PDK1: variants seen among roughly 807,000 people sequenced by gnomAD.
The protein encoded by PDK1 is [Pyruvate dehydrogenase (acetyl-transferring)] kinase isozyme 1, mitochondrial.
A neutral mutation model predicts 54.2 loss-of-function variants in PDK1; 39 were observed. The ratio of observed to expected loss-of-function variants is 0.72; its 90% CI spans 0.56 to 0.94. PDK1 has a LOEUF of 0.94. Ranked by LOEUF, PDK1 falls within the 40% of genes least tolerant of loss-of-function variation. PDK1 has a pLI of 0.00. For synonymous variants in PDK1, 221 were observed against 207.1 expected (o/e 1.07, Z -0.58); for missense variants, 552 against 566.0 (o/e 0.98, Z 0.25).
At chr2:172,718,616 T>C in the PDK1 span, among the ~76,000 whole-genome samples, 3 of 152,150 alleles carry the variant, frequency 2.0e-5, no homozygotes, top group African/African-American at 7.2e-5. Flanking sequence ...AAACAGAATA[T>C]GTTGAGTGAG....
chr2:172,700,855 C>A, the PDK1 span, among the ~76,000 whole-genome samples: 8 of 152,176 alleles, frequency 5.3e-5, no homozygotes, highest in Non-Finnish European at 7.3e-5. Context: ...ATATAAAAAC[C>A]AGTCAGGCAT....
the PDK1 span, among the ~76,000 whole-genome samples, chr2:172,632,568 A>G: frequency 6.6e-6 from 1 of 152,158 alleles, no homozygotes; most frequent in East Asian, 1.9e-4. Flanking sequence ...TTACATTTGA[A>G]CATGTCTGCA....
the PDK1 span, among the ~76,000 whole-genome samples, chr2:172,620,953 C>T: frequency 2.2e-5 from 3 of 138,208 alleles, no homozygotes; most frequent in South Asian, 2.4e-4. Flanking sequence ...CTAATACAGG[C>T]TCAAAGGAGA....
intron 8 of PDK1, among the ~76,000 whole-genome samples, chr2:172,582,976 T>C (rs1298904993): frequency 6.6e-6 from 1 of 152,210 alleles, no homozygotes; most frequent in East Asian, 1.9e-4. Context: ...ACTTGCTAGG[T>C]TGTTGTTACA....
rs369140225 is a variant in PDK1, at chr2:172,598,125, A to G, written c.*2156A>G. On this transcript the variant is annotated 3_prime_UTR_variant, in exon 11 of 11. Transcript: ENST00000282077. The stretch of plus-strand genomic sequence containing the variant: ...ATTTATATTAGTTCGATGTATTACA[A>G]TTTTTTAGCTTTAAATTACAGTTTT... 16 of 152,326 alleles carry G rather than the reference A, an allele frequency of 1.1e-4. No homozygotes were observed. The highest frequency in any genetic ancestry group is 3.1e-4 in the African/African-American group (13 of 41,576). 9.4% of individuals were successfully genotyped at this position (152,326 alleles called of 1,614,324 possible).
the PDK1 span, among the ~76,000 whole-genome samples, chr2:172,691,791 C>T: frequency 6.6e-6 from 1 of 152,126 alleles, no homozygotes; most frequent in Admixed American, 6.6e-5. Flanking sequence ...TCTGGATGTA[C>T]CACAGTTTAT....
At position 172,585,316 on chromosome 2, in the gene PDK1, A is replaced by ATTTT. The variant is rs538241255; in HGVS notation, c.946-938_946-935dup. 8.8e-3 allele frequency among the ~76,000 whole-genome samples: 913 copies of ATTTT among 103,280 alleles called. 90 individuals are homozygous for ATTTT. The highest frequency in any genetic ancestry group is 0.026 in the African/African-American group (587 of 22,388). The allele number at this position is 103,280 out of a possible 152,430, so 67.8% of individuals were successfully genotyped here. On this transcript the variant is annotated intron_variant, in intron 8 of 10. Transcript: ENST00000282077. The stretch of plus-strand genomic sequence containing the variant: ...GCCCAGCCTAGTACATGCATTTTTA[A>ATTTT]TTTTTTTTTTTTTTTTTTTTTTTTT...
the PDK1 span, among the ~76,000 whole-genome samples, chr2:172,649,558 G>A: frequency 0.033 from 5,011 of 152,056 alleles, 279 homozygotes; most frequent in African/African-American, 0.11. Flanking sequence ...GAGGATGTTC[G>A]AACCCATCAC....
chr2:172,633,980 A>G, the PDK1 span, among the ~76,000 whole-genome samples: 9 of 146,844 alleles, frequency 6.1e-5, no homozygotes, highest in South Asian at 1.3e-3. Flanking sequence ...GGTTCAAGCA[A>G]TTCTCTTGCT....
chr2:172,690,168 A>G, the PDK1 span, among the ~76,000 whole-genome samples: 8 of 150,444 alleles, frequency 5.3e-5, no homozygotes, highest in South Asian at 1.1e-3. Context: ...AAAACAAACA[A>G]CCGCATCAAA....
the PDK1 span, among the ~76,000 whole-genome samples, chr2:172,701,016 G>A: frequency 2.0e-5 from 3 of 151,858 alleles, no homozygotes; most frequent in Admixed American, 6.6e-5. Context: ...GAGAGGGAGA[G>A]GGAGGAGAGG....
At chr2:172,667,001 G>A in the PDK1 span, among the ~76,000 whole-genome samples, 3 of 152,140 alleles carry the variant, frequency 2.0e-5, no homozygotes, top group Non-Finnish European at 4.4e-5. Flanking sequence ...ATAAATCTAA[G>A]GGGTGCAGTT....
intron 3 of PDK1, 41 bp downstream of exon 3, chr2:172,562,332 A>G: frequency 8.4e-7 from 1 of 1,195,992 alleles, no homozygotes; most frequent in Non-Finnish European, 1.2e-6. Flanking sequence ...ACCTATTATT[A>G]GGTCACTTGG....
chr2:172,589,009 G>A (rs10201129), intron 9 of PDK1, among the ~76,000 whole-genome samples: 20,779 of 152,194 alleles, frequency 0.14, 1,601 homozygotes, highest in African/African-American at 0.19. Context: ...TAGGAAAACG[G>A]CAGCTTACTT....
At chr2:172,624,759 G>A in the PDK1 span, among the ~76,000 whole-genome samples, 1 of 152,292 alleles carries the variant, frequency 6.6e-6, no homozygotes, top group African/African-American at 2.4e-5. Context: ...AGCACTTTGG[G>A]AGGCCGAGGT....
At chr2:172,670,429 C>T in the PDK1 span, among the ~76,000 whole-genome samples, 2 of 152,068 alleles carry the variant, frequency 1.3e-5, no homozygotes, top group African/African-American at 4.8e-5. Context: ...GTTAAGTTTG[C>T]TGTCGATGTT....
intron 2 of PDK1, 80 bp downstream of exon 2, chr2:172,558,929 C>T: frequency 7.5e-7 from 1 of 1,326,954 alleles, no homozygotes; most frequent in African/African-American, 1.5e-5. Flanking sequence ...TTTTTTTACT[C>T]TTTGGTGGAA....
At chr2:172,696,815 T>C in the PDK1 span, among the ~76,000 whole-genome samples, 172 of 152,316 alleles carry the variant, frequency 1.1e-3, 4 homozygotes, top group East Asian at 0.029. Context: ...AGACTACTTA[T>C]TCATGATCTT....
At chr2:172,589,353 G>A (rs1297575338) in intron 9 of PDK1, among the ~76,000 whole-genome samples, 1 of 152,240 alleles carries the variant, frequency 6.6e-6, no homozygotes, top group African/African-American at 2.4e-5. Context: ...GCTAGCAGCA[G>A]CAAAGCTATC....
Sources: gnomAD v4.1 joint callset for allele counts (sites outside exome capture counted in the v4.1 genomes callset) on GRCh38, gnomAD v4.1.1 for gene constraint, MANE v1.5 for transcripts, NCBI Gene and HGNC (gene_info 2026-07-23, HGNC 2026-07-21) for gene names.